Variants in DOCK2 observed in about 807,000 individuals in gnomAD.
The protein encoded by DOCK2 is dedicator of cytokinesis 2, also known as dedicator of cytokinesis protein 2.
A neutral mutation model predicts 248.9 loss-of-function variants in DOCK2; 87 were observed. That is an observed-to-expected ratio of 0.35 (90% confidence interval 0.29 to 0.42). DOCK2 has a LOEUF of 0.42. DOCK2 is among the 10% of genes least tolerant of loss of function. DOCK2 has a pLI of 1.00. For synonymous variants in DOCK2, 805 were observed against 821.6 expected (o/e 0.98, Z 0.35); for missense variants, 1,747 against 2,300.2 (o/e 0.76, Z 4.92).
At chr5:170,000,855 T>C (rs1205543406) in intron 30 of DOCK2, among the ~76,000 whole-genome samples, 1 of 152,190 alleles carries the variant, frequency 6.6e-6, no homozygotes, top group Non-Finnish European at 1.5e-5. Flanking sequence ...CTAGACTATT[T>C]CTAGCCATTA....
intron 27 of DOCK2, among the ~76,000 whole-genome samples, chr5:169,903,311 T>TAAAAA (rs142632030): frequency 9.0e-6 from 1 of 111,084 alleles, no homozygotes; most frequent in Non-Finnish European, 1.8e-5. Context: ...ACAACAACAA[T>TAAAAA]AAAAAAAAAA....
intron 13 of DOCK2, among the ~76,000 whole-genome samples, chr5:169,701,538 A>AC (rs1760969969): frequency 6.7e-6 from 1 of 148,980 alleles, no homozygotes; most frequent in Non-Finnish European, 1.5e-5. Context: ...GATGGGGTTT[A>AC]GCTCTGTTAC....
chr5:169,858,286 G>A (rs1022333071), intron 27 of DOCK2, among the ~76,000 whole-genome samples: 21 of 152,190 alleles, frequency 1.4e-4, no homozygotes, highest in African/African-American at 4.8e-4. Flanking sequence ...TCGATGGTAA[G>A]GTCCCTTGTG....
At chr5:169,685,571 G>A (rs1759919094) in intron 8 of DOCK2, among the ~76,000 whole-genome samples, 1 of 152,220 alleles carries the variant, frequency 6.6e-6, no homozygotes, top group South Asian at 2.1e-4. Context: ...GCTAGGACAT[G>A]ATCTCTCTGC....
chr5:169,718,848 A>G, intron 22 of DOCK2, 57 bp downstream of exon 22: 1 of 1,551,386 alleles, frequency 6.4e-7, no homozygotes, highest in Non-Finnish European at 8.8e-7. Flanking sequence ...CTGGGATACA[A>G]CAGTATTTTT....
intron 33 of DOCK2, 152 bp from the exon 34 acceptor site, chr5:170,027,711 A>G: frequency 1.6e-6 from 1 of 633,964 alleles, no homozygotes; most frequent in African/African-American, 1.8e-5. Context: ...AGGCAGACAT[A>G]GTATTCTGTT....
chr5:169,725,574 G>A (rs930462215), intron 22 of DOCK2, among the ~76,000 whole-genome samples: 1 of 151,876 alleles, frequency 6.6e-6, no homozygotes, highest in African/African-American at 2.4e-5. Context: ...TTGTTACATA[G>A]GTATACATGT....
intron 27 of DOCK2, among the ~76,000 whole-genome samples, chr5:169,885,657 C>A (rs1772929394): frequency 6.6e-6 from 1 of 152,186 alleles, no homozygotes; most frequent in Non-Finnish European, 1.5e-5. Flanking sequence ...TTAATTAAAA[C>A]AACTCATATT....
At chr5:169,935,971 T>G (rs2113694039) in intron 27 of DOCK2, among the ~76,000 whole-genome samples, 1 of 152,286 alleles carries the variant, frequency 6.6e-6, no homozygotes. Flanking sequence ...AAAGGCCAGG[T>G]ACACAGCCTT....
At position 170,050,268 on chromosome 5, in the gene DOCK2, A is replaced by G. The variant is rs1756869432; in HGVS notation, c.4084A>G (p.Ile1362Val). Residue 1362 changes from isoleucine (I) to valine (V), a missense_variant, in exon 41 of 52, where the codon ATC becomes GTC. Transcript: ENST00000520908. Reference sequence around the variant, plus strand: ...CCTTTCTCTGCAGAACAAAGTGTTCATCTACCGCGGGAAGGAATATGAGCG... The same window carrying G: ...CCTTTCTCTGCAGAACAAAGTGTTCGTCTACCGCGGGAAGGAATATGAGCG... Reference protein sequence around the residue: ...FPSFLRNKVFIYRGKEYERRE... With the variant: ...FPSFLRNKVFVYRGKEYERRE... 2 of 1,614,128 alleles carry G rather than the reference A, an allele frequency of 1.2e-6. No individual in the cohort carries two copies. The highest frequency in any genetic ancestry group is 1.3e-5 in the African/African-American group (1 of 75,052).
chr5:170,031,816 A>C (rs1177968470), intron 34 of DOCK2, among the ~76,000 whole-genome samples: 1 of 152,176 alleles, frequency 6.6e-6, no homozygotes. Context: ...AGAATAGGAA[A>C]AGAAAGAAAG....
At position 169,803,081 on chromosome 5, in the gene DOCK2, G is replaced by A. The variant is rs201511979; in HGVS notation, c.2578G>A (p.Val860Ile). The A allele has an allele frequency of 2.4e-5, 38 of 1,614,158 alleles. No homozygotes were observed. The East Asian group carries it at 5.8e-4, about 25-fold the overall frequency. ...AGAATGCCGGGACATTCTGCTTCCT[G>A]TCATCACCAAAGAGCTGAAGGAGCT... Reference protein sequence around the residue: ...KQECRDILLPVITKELKELLE... With the variant: ...KQECRDILLPIITKELKELLE... The change falls in exon 26 of 52, where the codon GTC (valine) becomes ATC (isoleucine). Residue 860 changes from valine to isoleucine, a missense_variant. Around this residue, in one of 4 missense-constraint regions of DOCK2, gnomAD observed 858 missense variants for 1,183.5 expected, o/e 0.72. Transcript: ENST00000520908.
At chr5:169,655,847 A>G (rs942800573) in intron 2 of DOCK2, among the ~76,000 whole-genome samples, 1 of 152,238 alleles carries the variant, frequency 6.6e-6, no homozygotes, top group Non-Finnish European at 1.5e-5. Flanking sequence ...AAAAGGGGTC[A>G]TGGGGGAAAT....
intron 30 of DOCK2, among the ~76,000 whole-genome samples, chr5:169,997,340 G>T (rs1453120887): frequency 7.0e-6 from 1 of 142,272 alleles, no homozygotes; most frequent in African/African-American, 2.8e-5. Flanking sequence ...CCAGGGACAG[G>T]CAGGAGACAG....
intron 26 of DOCK2, among the ~76,000 whole-genome samples, chr5:169,820,043 C>A (rs527551961): frequency 6.6e-6 from 1 of 152,310 alleles, no homozygotes; most frequent in Admixed American, 6.5e-5. Context: ...AGTCTGAGAT[C>A]GAACTGCAAG....
chr5:169,700,810 A>C (rs1366520608), intron 13 of DOCK2, among the ~76,000 whole-genome samples: 1 of 152,154 alleles, frequency 6.6e-6, no homozygotes, highest in East Asian at 1.9e-4. Context: ...TCATGTCATC[A>C]AACCTAAACT....
At chr5:169,670,960 T>C (rs1194383172) in intron 4 of DOCK2, 118 bp from the exon 5 acceptor site, 2 of 752,138 alleles carry the variant, frequency 2.7e-6, no homozygotes, top group Non-Finnish European at 4.5e-6. Flanking sequence ...TGGAGGTGTT[T>C]TAGTCTAATG....
intron 1 of DOCK2, 46 bp from the exon 2 acceptor site, chr5:169,654,357 T>G: frequency 1.9e-6 from 3 of 1,604,956 alleles, no homozygotes; most frequent in Non-Finnish European, 1.7e-6. Flanking sequence ...CAGAGACTAA[T>G]GAGATCTAGA....
chr5:169,925,504 C>T (rs745972439), intron 27 of DOCK2, among the ~76,000 whole-genome samples: 2 of 147,926 alleles, frequency 1.4e-5, no homozygotes, highest in Non-Finnish European at 3.0e-5. Context: ...CGCTTGAACC[C>T]AGGAGGTGGA....
Sources: gnomAD v4.1 joint callset for allele counts (sites outside exome capture counted in the v4.1 genomes callset) on GRCh38, gnomAD v4.1.1 for gene constraint, gnomAD v4.1.1 regional missense constraint, MANE v1.5 for transcripts, NCBI Gene and HGNC (gene_info 2026-07-23, HGNC 2026-07-21) for gene names.